ATF7: variants seen among roughly 807,000 people sequenced by gnomAD.
ATF7 encodes the protein activating transcription factor 7, also known as cyclic AMP-dependent transcription factor ATF-7.
A neutral mutation model predicts 50.4 loss-of-function variants in ATF7; 10 were observed. The ratio of observed to expected loss-of-function variants is 0.20; its 90% CI spans 0.12 to 0.34. ATF7 has a LOEUF of 0.34. Among genes scored for constraint, ATF7 ranks in the 10% least tolerant of loss-of-function variants. ATF7 has a pLI of 1.00. For synonymous variants in ATF7, 201 were observed against 226.4 expected (o/e 0.89, Z 1.01); for missense variants, 465 against 613.9 (o/e 0.76, Z 2.56).
intron 4 of ATF7, among the ~76,000 whole-genome samples, chr12:53,539,049 C>T (rs145862019): frequency 1.3e-5 from 2 of 152,186 alleles, no homozygotes; most frequent in African/African-American, 4.8e-5. Flanking sequence ...CAAAGTTCCA[C>T]ACTCATTAAA....
intron 2 of ATF7, among the ~76,000 whole-genome samples, chr12:53,565,539 C>T (rs1414549429): frequency 6.6e-6 from 1 of 152,044 alleles, no homozygotes; most frequent in Non-Finnish European, 1.5e-5. Context: ...ATCACCCAGA[C>T]TGGAGTATAG....
intron 2 of ATF7, among the ~76,000 whole-genome samples, chr12:53,597,380 C>T (rs78278214): frequency 0.039 from 6,001 of 152,212 alleles, 359 homozygotes; most frequent in African/African-American, 0.13. Context: ...CTAGTCTATT[C>T]TGGGTGAATT....
In ATF7 at chr12:53,577,795, G is replaced by A. The variant is rs79204408; in HGVS notation, c.48+23158C>T. On this transcript the variant is annotated intron_variant, in intron 2 of 11. Transcript: ENST00000420353. ...GGTATTGCTAAACAATAACTAAAGCGATAACTAAAAATGTCCCCCCAAATC... is the reference window on the plus strand; with the variant it reads ...GGTATTGCTAAACAATAACTAAAGCAATAACTAAAAATGTCCCCCCAAATC... Among the ~76,000 whole-genome samples, 160 of 150,364 alleles carry A rather than the reference G, an allele frequency of 1.1e-3. 2 individuals carry two copies. The Middle Eastern group carries it at 0.014, about 13-fold the overall frequency.
intron 1 of ATF7, among the ~76,000 whole-genome samples, chr12:53,607,014 T>A (rs1285027106): frequency 2.0e-5 from 3 of 152,050 alleles, no homozygotes; most frequent in Non-Finnish European, 2.9e-5. Context: ...ATAGTGCCGC[T>A]ATAAACATAC....
In ATF7 at chr12:53,524,647, G is replaced by T; in HGVS notation, c.1042C>A (p.Arg348Ser). The T allele has an allele frequency of 6.2e-7, 1 of 1,613,850 alleles. No individual in the cohort carries two copies. Among genetic ancestry groups the T allele is most frequent in the South Asian group, 1.1e-5 (1 of 91,080 alleles). Reference sequence around the variant, plus strand: ...CACAGCTTTCGCTTTTGGCGGCAGCGGGAGGCTGCAGCCCGGTTGCGCTCC... The same window carrying T: ...CACAGCTTTCGCTTTTGGCGGCAGCTGGAGGCTGCAGCCCGGTTGCGCTCC... ...FLERNRAAAS[R>S]CRQKRKLWVS... The change falls in exon 10 of 12, where the codon CGC (arginine) becomes AGC (serine). Residue 348 changes from arginine to serine, a missense_variant. By Grantham distance (110) the Arg-to-Ser change is moderately radical. Coordinates refer to ENST00000420353, the MANE Select transcript of ATF7 (RefSeq NM_006856.3). The surrounding 1 kb of genome is among the most constrained non-coding windows in gnomAD (Gnocchi z 4.6).
At chr12:53,622,581 A>G (rs1219278161) in intron 1 of ATF7, among the ~76,000 whole-genome samples, 1 of 151,564 alleles carries the variant, frequency 6.6e-6, no homozygotes, top group Non-Finnish European at 1.5e-5. Flanking sequence ...AGATTGTGCC[A>G]CTGCACTCCA....
At chr12:53,539,657 C>A (rs1206241637) in intron 4 of ATF7, among the ~76,000 whole-genome samples, 1 of 151,682 alleles carries the variant, frequency 6.6e-6, no homozygotes, top group East Asian at 1.9e-4. Flanking sequence ...CCAATGCACT[C>A]TAGCCTGGGA....
chr12:53,532,417 G>A (rs1938956655), intron 8 of ATF7, 93 bp downstream of exon 8: 2 of 1,028,520 alleles, frequency 1.9e-6, no homozygotes, highest in Non-Finnish European at 2.9e-6. Context: ...AGCCCCAGAA[G>A]GTTCCTTTGC....
At chr12:53,535,931 T>C (rs1939193556) in intron 5 of ATF7, among the ~76,000 whole-genome samples, 1 of 151,512 alleles carries the variant, frequency 6.6e-6, no homozygotes. Flanking sequence ...AGCAAGAGAA[T>C]TGCTTGAGCC....
chr12:53,576,531 C>G (rs1942075971), intron 2 of ATF7, among the ~76,000 whole-genome samples: 1 of 152,174 alleles, frequency 6.6e-6, no homozygotes, highest in Non-Finnish European at 1.5e-5. Flanking sequence ...TTACCCTGTC[C>G]TCCAACTGCC....
At chr12:53,577,164 T>C (rs551875241) in intron 2 of ATF7, among the ~76,000 whole-genome samples, 1 of 152,128 alleles carries the variant, frequency 6.6e-6, no homozygotes, top group Non-Finnish European at 1.5e-5. Flanking sequence ...CATGTGTCTG[T>C]AGTTCCGGCT....
rs1051805115 is a variant in ATF7, at chr12:53,620,813, C to T, written c.-22+5466G>A. On this transcript the variant is annotated intron_variant, in intron 1 of 11. Transcript: ENST00000420353. ...CAGTAACAAAATAACAACAAAAAAT[C>T]CCTGCAACTATGAAGAAATATGGTT... 2.4e-4 allele frequency among the ~76,000 whole-genome samples: 36 copies of T among 151,348 alleles called. No homozygotes were observed. In the East Asian group the frequency reaches 2.7e-3, roughly 11 times the overall value.
At chr12:53,592,520 A>G (rs1189372739) in intron 2 of ATF7, among the ~76,000 whole-genome samples, 2 of 152,222 alleles carry the variant, frequency 1.3e-5, no homozygotes, top group Non-Finnish European at 2.9e-5. Flanking sequence ...ATTCTACCTC[A>G]AAAGTAACAT....
At chr12:53,624,007 ACT>A (rs1944502570) in intron 1 of ATF7, among the ~76,000 whole-genome samples, 1 of 152,106 alleles carries the variant, frequency 6.6e-6, no homozygotes, top group African/African-American at 2.4e-5. Flanking sequence ...CAGTGTTATC[ACT>A]CTAGCTTTCT....
rs118134923 is a variant in ATF7 at position 53,577,771 on chromosome 12, G to C, written c.48+23182C>G. Among the ~76,000 whole-genome samples, 198 of 151,106 alleles carry C rather than the reference G, an allele frequency of 1.3e-3. 2 individuals carry two copies. In the East Asian group the frequency reaches 0.027, roughly 21 times the overall value. Reference sequence around the variant, plus strand: ...AAGAAAGAAACACACACAATATTTGGTATTGCTAAACAATAACTAAAGCGA... The same window carrying C: ...AAGAAAGAAACACACACAATATTTGCTATTGCTAAACAATAACTAAAGCGA... On this transcript the variant is annotated intron_variant, in intron 2 of 11. Transcript: ENST00000420353.
intron 3 of ATF7, 71 bp downstream of exon 3, chr12:53,552,470 C>A: frequency 8.5e-7 from 1 of 1,178,446 alleles, no homozygotes; most frequent in Non-Finnish European, 1.3e-6. Context: ...GCTCCCAGTA[C>A]ATCTGGTCTC....
rs909103712 is a variant in ATF7 at position 53,513,102 on chromosome 12, G to GC, written c.*4034dup. On this transcript the variant is annotated 3_prime_UTR_variant, in exon 12 of 12. Coordinates refer to ENST00000420353, the MANE Select transcript of ATF7 (RefSeq NM_006856.3). The stretch of plus-strand genomic sequence containing the variant: ...CTGGTGAGATAACTCTGTGCTATTA[G>GC]CCCCCCATTAAAAAAATAAACCCTA... 4.6e-5 allele frequency: 7 copies of GC among 152,076 alleles called. No homozygotes were observed. Among genetic ancestry groups the GC allele is most frequent in the African/African-American group, 1.7e-4 (7 of 41,484 alleles). 9.4% of individuals were successfully genotyped at this position (152,076 alleles called of 1,614,324 possible).
intron 2 of ATF7, among the ~76,000 whole-genome samples, chr12:53,572,556 T>C (rs1358490775): frequency 6.6e-6 from 1 of 152,092 alleles, no homozygotes; most frequent in Non-Finnish European, 1.5e-5. Flanking sequence ...TTCTTGTGCT[T>C]TTGGCGGGGG....
intron 1 of ATF7, among the ~76,000 whole-genome samples, chr12:53,612,390 G>A (rs1354203731): frequency 3.9e-5 from 6 of 152,086 alleles, no homozygotes; most frequent in African/African-American, 1.2e-4. Context: ...GGGTTCAAGC[G>A]ATTCTCCTGA....
Sources: gnomAD v4.1 joint callset for allele counts (sites outside exome capture counted in the v4.1 genomes callset) on GRCh38, gnomAD v4.1.1 for gene constraint, Gnocchi (gnomAD v3.1) non-coding constraint, MANE v1.5 for transcripts, NCBI Gene and HGNC (gene_info 2026-07-23, HGNC 2026-07-21) for gene names.